The following ZNF180 variants were observed in gnomAD, a reference collection of about 807,000 sequenced individuals.
The protein encoded by ZNF180 is zinc finger protein 180 (HHZ168).
A neutral mutation model predicts 11.8 loss-of-function variants in ZNF180; 11 were observed. That is an observed-to-expected ratio of 0.93 (90% confidence interval 0.59 to 1.55). ZNF180 has a LOEUF of 1.55. Ranked by LOEUF, ZNF180 falls within the 40% of genes most tolerant of loss-of-function variation. The probability of loss-of-function intolerance (pLI) is 0.00; values close to 1 mark genes in which losing one functional copy is unlikely to be tolerated. For synonymous variants in ZNF180, 287 were observed against 257.7 expected (o/e 1.11, Z -1.09); for missense variants, 773 against 781.7 (o/e 0.99, Z 0.13).
rs1969834295 is a variant in ZNF180 at position 44,475,294 on chromosome 19, A to T, written c.*1108T>A. On this transcript the variant is annotated 3_prime_UTR_variant, in exon 5 of 5. Coordinates refer to ENST00000592529, the MANE Select transcript of ZNF180 (RefSeq NM_001278509.3). ...ATTCAGAGGACTCTCACATCAGGGA[A>T]CATATCCCAGAGGAAAGAGACAATG... 6.6e-6 allele frequency: 1 copy of T among 152,266 alleles called. No individual in the cohort carries two copies. The highest frequency in any genetic ancestry group is 2.1e-4 in the South Asian group (1 of 4,836). 9.4% of individuals were successfully genotyped at this position (152,266 alleles called of 1,614,324 possible).
intron 2 of ZNF180, among the ~76,000 whole-genome samples, chr19:44,494,927 T>C (rs1970540286): frequency 6.6e-6 from 1 of 152,124 alleles, no homozygotes; most frequent in Non-Finnish European, 1.5e-5. Context: ...TGCGTAGTGG[T>C]ATTAGGATGT....
chr19:44,476,656 G>A lies in ZNF180; in HGVS notation c.1744C>T (p.Gln582Ter), dbSNP rs1969888788. Residue 582 changes from glutamine (Q) to a stop codon, truncating the protein, a stop_gained, in exon 5 of 5, where the codon CAA (glutamine) becomes TAA (stop). Transcript: ENST00000592529. LOFTEE classifies it low-confidence loss of function (END_TRUNC). Reference protein sequence around the residue: ...HTGEKPYECSQCGKSFRQSSC... With the variant: ...HTGEKPYECS ...CTCTGTCTGAAGGACTTCCCACATT[G>A]ACTGCATTCATAGGGCTTTTCTCCA... 1.9e-6 allele frequency: 3 copies of A among 1,614,098 alleles called. No homozygotes were observed. Among genetic ancestry groups the A allele is most frequent in the Non-Finnish European group, 1.7e-6 (2 of 1,179,982 alleles).
chr19:44,488,549 G>A (rs954467705), intron 2 of ZNF180, among the ~76,000 whole-genome samples: 1 of 152,154 alleles, frequency 6.6e-6, no homozygotes, highest in Non-Finnish European at 1.5e-5. Context: ...TGCAGACGGA[G>A]TCTCGTTCAC....
chr19:44,478,196 A>G, intron 4 of ZNF180, 50 bp from the exon 5 acceptor site: 1 of 1,469,276 alleles, frequency 6.8e-7, no homozygotes, highest in South Asian at 1.4e-5. Context: ...TTAGAGATGG[A>G]AAAATGGAAT....
intron 2 of ZNF180, among the ~76,000 whole-genome samples, chr19:44,488,469 G>A (rs1970308991): frequency 6.6e-6 from 1 of 152,192 alleles, no homozygotes; most frequent in Admixed American, 6.5e-5. Flanking sequence ...GTTTCGCTGT[G>A]TTGGCCGGGC....
intron 3 of ZNF180, among the ~76,000 whole-genome samples, chr19:44,482,260 A>T (rs1970101542): frequency 6.6e-6 from 1 of 152,204 alleles, no homozygotes; most frequent in Admixed American, 6.5e-5. Context: ...GTGAGCCATG[A>T]TCACACCATT....
intron 3 of ZNF180, among the ~76,000 whole-genome samples, chr19:44,479,888 T>C (rs1970033791): frequency 6.6e-6 from 1 of 152,140 alleles, no homozygotes; most frequent in Non-Finnish European, 1.5e-5. Flanking sequence ...AGAAAATATA[T>C]AAACAAATGG....
At position 44,477,916 on chromosome 19, in the gene ZNF180, C is replaced by T; in HGVS notation, c.484G>A (p.Val162Ile). 1 of 1,613,962 alleles carries T rather than the reference C, an allele frequency of 6.2e-7. No individual in the cohort carries two copies. Among genetic ancestry groups the T allele is most frequent in the Non-Finnish European group, 8.5e-7 (1 of 1,179,986 alleles). ...TQRKAVIHER[V>I]CKSDETGEKS... ...TCCCCAGTTTCATCACTTTTGCAGA[C>T]TCTCTCATGAATAACTGCTTTCCTT... The change falls in exon 5 of 5, where the codon GTC becomes ATC. Residue 162 changes from valine (V) to isoleucine (I), a missense_variant. By Grantham distance (29) the Val-to-Ile change is conservative (BLOSUM62 3). Transcript: ENST00000592529.
At chr19:44,497,653 G>A (rs540086101) in intron 1 of ZNF180, among the ~76,000 whole-genome samples, 111 of 152,134 alleles carry the variant, frequency 7.3e-4, no homozygotes, top group African/African-American at 2.6e-3. Context: ...GCCCAACATG[G>A]CCTTCTGCCC....
In ZNF180 at chr19:44,497,362, G is replaced by A; in HGVS notation, c.-28C>T. ...TCTCCTCCAGGCACAGCAGGGTGCTGAGGTCCTGAGCTGCACTGAGAGAAG... is the reference window on the plus strand; with the variant it reads ...TCTCCTCCAGGCACAGCAGGGTGCTAAGGTCCTGAGCTGCACTGAGAGAAG... On this transcript the variant is annotated 5_prime_UTR_variant, in exon 2 of 5. Coordinates refer to ENST00000592529, the MANE Select transcript of ZNF180 (RefSeq NM_001278509.3). 6.3e-7 allele frequency: 1 copy of A among 1,596,334 alleles called. No homozygotes were observed. The highest frequency in any genetic ancestry group is 8.5e-7 in the Non-Finnish European group (1 of 1,174,560).
chr19:44,481,012 C>T (rs1970065592), intron 3 of ZNF180, among the ~76,000 whole-genome samples: 1 of 152,234 alleles, frequency 6.6e-6, no homozygotes, highest in East Asian at 1.9e-4. Flanking sequence ...CATGGCAGAG[C>T]CTTTTAGGAG....
In ZNF180 at chr19:44,478,118, A is replaced by G. The variant is rs765992983; in HGVS notation, c.282T>C (p.Asp94=). The change falls in exon 5 of 5, where the codon GAT becomes GAC. Residue 94 remains aspartate, a synonymous_variant. Coordinates refer to ENST00000592529, the MANE Select transcript of ZNF180 (RefSeq NM_001278509.3). ...WDLATAVGKK[D]STSKQRIFDE... ...CAAAAATCCTCTGCTTTGAAGTTGA[A>G]TCTTTTTTTCCAACTGCAGTTGCCA... 1 of 1,578,022 alleles carries G rather than the reference A, an allele frequency of 6.3e-7. No homozygotes were observed. Among genetic ancestry groups the G allele is most frequent in the Non-Finnish European group, 8.6e-7 (1 of 1,160,462 alleles).
intron 3 of ZNF180, among the ~76,000 whole-genome samples, chr19:44,479,640 G>T (rs1970027888): frequency 6.6e-6 from 1 of 152,164 alleles, no homozygotes; most frequent in African/African-American, 2.4e-5. Context: ...TACCAGATAA[G>T]AACTGATATA....
rs982793377 is a variant in ZNF180 at position 44,495,898 on chromosome 19, A to G, written c.51+1386T>C. On this transcript the variant is annotated intron_variant, in intron 2 of 4. Transcript: ENST00000592529. The surrounding 1 kb of genome is among the most constrained non-coding windows in gnomAD (Gnocchi z 4.5). The stretch of plus-strand genomic sequence containing the variant: ...CTGACAACTGTAGGTGCCCCCTAAC[A>G]CTGCCCCACCTCACGGCTTCAAGGC... Among the ~76,000 whole-genome samples the G allele has an allele frequency of 2.0e-5, 3 of 152,176 alleles. No homozygotes were observed. The highest frequency in any genetic ancestry group is 4.4e-5 in the Non-Finnish European group (3 of 68,030).
At chr19:44,478,548 G>A (rs1473196502) in intron 4 of ZNF180, among the ~76,000 whole-genome samples, 1 of 152,168 alleles carries the variant, frequency 6.6e-6, no homozygotes, top group African/African-American at 2.4e-5. Context: ...ACATATCCAG[G>A]AATTTCTGAA....
At chr19:44,488,213 ACGG>A in intron 2 of ZNF180, among the ~76,000 whole-genome samples, 1 of 28,128 alleles carries the variant, frequency 3.6e-5, no homozygotes, top group East Asian at 5.4e-3. Context: ...CTCTCTTTCC[ACGG>A]TCTCCCTCTC....
chr19:44,484,519 G>T, intron 2 of ZNF180, 84 bp from the exon 3 acceptor site: 1 of 916,084 alleles, frequency 1.1e-6, no homozygotes, highest in Non-Finnish European at 1.8e-6. Context: ...AGTGGGCTAA[G>T]ATTTGACATA....
At chr19:44,499,251 T>G (rs1209036221) in intron 1 of ZNF180, among the ~76,000 whole-genome samples, 1 of 152,186 alleles carries the variant, frequency 6.6e-6, no homozygotes, top group Non-Finnish European at 1.5e-5. Context: ...TCTTGCCCAA[T>G]CATGACGGCC....
intron 3 of ZNF180, among the ~76,000 whole-genome samples, chr19:44,480,795 T>C (rs1469963628): frequency 6.6e-6 from 1 of 152,210 alleles, no homozygotes; most frequent in Non-Finnish European, 1.5e-5. Flanking sequence ...AGGTCAAGTG[T>C]AGAATTTTCC....
Sources: allele counts gnomAD v4.1 joint callset (sites outside exome capture counted in the v4.1 genomes callset), GRCh38; gene constraint gnomAD v4.1.1; non-coding constraint Gnocchi (gnomAD v3.1); transcripts MANE v1.5; gene names NCBI Gene and HGNC (gene_info 2026-07-23, HGNC 2026-07-21).